Variants in TRMT9B observed in about 807,000 individuals in gnomAD.
TRMT9B encodes tRNA methyltransferase 9B (putative), also known as probable tRNA methyltransferase 9B.
TRMT9B carries 16 observed loss-of-function variants against 11.5 expected under a neutral mutation model. That is an observed-to-expected ratio of 1.39 (90% CI 0.94 to 2.11). TRMT9B has a LOEUF of 2.11. Ranked by LOEUF, TRMT9B falls within the 30% of genes most tolerant of loss-of-function variation. The probability of loss-of-function intolerance (pLI) is 0.00; values close to 1 mark genes in which losing one functional copy is unlikely to be tolerated. For synonymous variants in TRMT9B, 274 were observed against 192.4 expected, an observed-to-expected ratio of 1.42 and a Z score of -3.51; for missense variants, 941 against 553.8, an observed-to-expected ratio of 1.70 and a Z score of -7.02.
chr8:12,991,304 T>C (rs758140429), intron 2 of TRMT9B, among the ~76,000 whole-genome samples: 2 of 152,220 alleles, frequency 1.3e-5, no homozygotes, highest in Non-Finnish European at 2.9e-5. Context: ...GAGATTTTTA[T>C]CACACAAAAG....
chr8:13,019,714 A>G (rs985109451), intron 4 of TRMT9B, among the ~76,000 whole-genome samples: 4 of 152,200 alleles, frequency 2.6e-5, no homozygotes, highest in African/African-American at 9.6e-5. Flanking sequence ...CTACTTCTAG[A>G]AAGGTATGCT....
At chr8:12,952,102 C>G (rs1472042388) in intron 1 of TRMT9B, 1 of 434,722 alleles carries the variant, frequency 2.3e-6, no homozygotes, top group African/African-American at 2.0e-5. Context: ...GCCCTCGGCT[C>G]TGATGCAAAA....
rs964355943 is a variant in TRMT9B, at chr8:13,027,686, T to C, written c.*5642T>C. On this transcript the variant is annotated 3_prime_UTR_variant, in exon 5 of 5. Transcript: ENST00000524591. ...TATACTTGGATTTCAAATGCCATAATTGTAATCTTTCTCCAAAGAAAAATG... is the reference window on the plus strand; with the variant it reads ...TATACTTGGATTTCAAATGCCATAACTGTAATCTTTCTCCAAAGAAAAATG... The C allele has an allele frequency of 1.8e-5, 3 of 167,106 alleles. No individual in the cohort carries two copies. Among genetic ancestry groups the C allele is most frequent in the African/African-American group, 7.2e-5 (3 of 41,454 alleles). 10.4% of individuals were successfully genotyped at this position (167,106 alleles called of 1,614,324 possible). A position where few individuals can be genotyped will look rare whatever the true frequency, so the allele number is the denominator to read the frequency against.
At chr8:12,988,362 T>G (rs1806698767) in intron 1 of TRMT9B, among the ~76,000 whole-genome samples, 1 of 152,180 alleles carries the variant, frequency 6.6e-6, no homozygotes, top group African/African-American at 2.4e-5. Context: ...AATTAATAAT[T>G]TGCAATAACA....
intron 1 of TRMT9B, among the ~76,000 whole-genome samples, chr8:12,986,437 AAT>A (rs1806321245): frequency 6.6e-6 from 1 of 152,194 alleles, no homozygotes; most frequent in East Asian, 1.9e-4. Flanking sequence ...TGCTGCCGTC[AAT>A]TATGGAACAT....
At chr8:12,973,321 A>G (rs1803920227) in intron 1 of TRMT9B, among the ~76,000 whole-genome samples, 1 of 152,102 alleles carries the variant, frequency 6.6e-6, no homozygotes, top group South Asian at 2.1e-4. Flanking sequence ...GCATCGTGGG[A>G]GAAGAGAAGG....
At chr8:13,007,288 A>G (rs958704085) in intron 3 of TRMT9B, 6 of 152,210 alleles carry the variant, frequency 3.9e-5, no homozygotes, top group African/African-American at 1.2e-4. Flanking sequence ...TATTTTAATA[A>G]TAACTTATTT....
At chr8:12,949,819 A>G (rs1800456385) in intron 1 of TRMT9B, among the ~76,000 whole-genome samples, 1 of 152,112 alleles carries the variant, frequency 6.6e-6, no homozygotes, top group South Asian at 2.1e-4. Flanking sequence ...AGCATATCAA[A>G]TATACTTTCT....
intron 1 of TRMT9B, among the ~76,000 whole-genome samples, chr8:12,979,479 A>G (rs1056753469): frequency 4.6e-4 from 24 of 51,798 alleles, no homozygotes; most frequent in African/African-American, 1.6e-3. Flanking sequence ...CCATCTCAAA[A>G]TAAAAAAAAA....
intron 4 of TRMT9B, among the ~76,000 whole-genome samples, chr8:13,013,059 T>C (rs1219308106): frequency 6.6e-6 from 1 of 152,260 alleles, no homozygotes; most frequent in Non-Finnish European, 1.5e-5. Context: ...GTTTTAACTA[T>C]TTAAACCTTC....
intron 1 of TRMT9B, among the ~76,000 whole-genome samples, chr8:12,974,400 G>T (rs969027597): frequency 6.6e-6 from 1 of 152,124 alleles, no homozygotes; most frequent in Non-Finnish European, 1.5e-5. Context: ...ACTGGACGGG[G>T]AATCAATTTC....
At chr8:12,980,364 T>A (rs550928855) in intron 1 of TRMT9B, among the ~76,000 whole-genome samples, 1 of 152,242 alleles carries the variant, frequency 6.6e-6, no homozygotes, top group East Asian at 1.9e-4. Context: ...TAACCCAGGA[T>A]GATCTCGCCT....
At chr8:13,003,906 G>A (rs1809926849) in intron 2 of TRMT9B, among the ~76,000 whole-genome samples, 1 of 150,936 alleles carries the variant, frequency 6.6e-6, no homozygotes, top group African/African-American at 2.4e-5. Flanking sequence ...AGAAGAGGGT[G>A]AGCAAGACAG....
Position 12,947,943 on chromosome 8 carries a change from T to C in TRMT9B, c.-200+1977T>C, listed in dbSNP as rs1247146616. On this transcript the variant is annotated intron_variant, in intron 1 of 4. Coordinates refer to ENST00000524591, the MANE Select transcript of TRMT9B (RefSeq NM_020844.3). ...AGTAAGGCAGGCATTCAAGGAATCA[T>C]GGCCGGCCATCTGTAGCCTTAAGAG... Among the ~76,000 whole-genome samples, 3 of 152,214 alleles carry C rather than the reference T, an allele frequency of 2.0e-5. No individual in the cohort carries two copies. In the East Asian group the frequency reaches 5.8e-4, roughly 29 times the overall value.
intron 4 of TRMT9B, 51 bp downstream of exon 4, chr8:13,012,908 C>G (rs931812106): frequency 6.3e-7 from 1 of 1,590,286 alleles, no homozygotes; most frequent in African/African-American, 1.3e-5. Context: ...ATAATTGACC[C>G]GGTTTAGTCC....
At chr8:12,949,240 A>G (rs1031938925) in intron 1 of TRMT9B, among the ~76,000 whole-genome samples, 1 of 152,106 alleles carries the variant, frequency 6.6e-6, no homozygotes, top group Non-Finnish European at 1.5e-5. Flanking sequence ...GACTACCGAG[A>G]GTAAAAATCC....
chr8:13,003,488 G>A (rs1809839993), intron 2 of TRMT9B, among the ~76,000 whole-genome samples: 1 of 152,160 alleles, frequency 6.6e-6, no homozygotes, highest in Non-Finnish European at 1.5e-5. Context: ...ATTTAGCCAG[G>A]TAAAGCATAG....
intron 2 of TRMT9B, among the ~76,000 whole-genome samples, chr8:13,000,926 G>A (rs541029405): frequency 1.3e-5 from 2 of 152,212 alleles, no homozygotes; most frequent in South Asian, 4.2e-4. Context: ...ACCTCAGGAC[G>A]CAAGGCTGGT....
intron 4 of TRMT9B, 54 bp from the exon 5 acceptor site, chr8:13,020,954 T>A: frequency 8.4e-7 from 1 of 1,192,018 alleles, no homozygotes; most frequent in Middle Eastern, 2.1e-4. Flanking sequence ...AGTGTATACG[T>A]GTGTGGGTTT....
Sources: allele counts gnomAD v4.1 joint callset (sites outside exome capture counted in the v4.1 genomes callset), GRCh38; gene constraint gnomAD v4.1.1; transcripts MANE v1.5; gene names NCBI Gene and HGNC (gene_info 2026-07-23, HGNC 2026-07-21).